The following ZDHHC14 variants were observed in gnomAD, a reference collection of about 807,000 sequenced individuals.
ZDHHC14 encodes zDHHC palmitoyltransferase 14, also known as palmitoyltransferase ZDHHC14.
A neutral mutation model predicts 47.7 loss-of-function variants in ZDHHC14; 16 were observed. That is an observed-to-expected ratio of 0.34 (90% CI 0.23 to 0.51). The LOEUF (loss-of-function observed/expected upper bound fraction) is 0.51, where lower values mean the gene tolerates loss of function less well. ZDHHC14 is among the 20% of genes least tolerant of loss of function. The pLI is 0.97. For missense variants in ZDHHC14, 515 were observed against 662.5 expected (o/e 0.78, Z 2.44); for synonymous variants, 293 against 278.9 (o/e 1.05, Z -0.50).
rs534581362 is a variant in ZDHHC14, at chr6:157,409,882, G to T, written c.245+27616G>T. 5.3e-5 allele frequency among the ~76,000 whole-genome samples: 8 copies of T among 152,058 alleles called. No homozygotes were observed. The South Asian group carries it at 1.3e-3, about 24-fold the overall frequency. ...CTTCTTCTGTCACCCAGACTGGAGT[G>T]CAGTGGCGCGATCTCGGCTCACTGC... On this transcript the variant is annotated intron_variant, in intron 1 of 8. Coordinates refer to ENST00000359775, the MANE Select transcript of ZDHHC14 (RefSeq NM_024630.3).
intron 1 of ZDHHC14, among the ~76,000 whole-genome samples, chr6:157,399,331 C>G (rs1486420870): frequency 1.3e-5 from 2 of 150,786 alleles, no homozygotes; most frequent in Non-Finnish European, 3.0e-5. Flanking sequence ...GATCCGGGTG[C>G]CATTGTCTGT....
At chr6:157,436,951 G>A (rs929237430) in intron 1 of ZDHHC14, among the ~76,000 whole-genome samples, 8 of 152,112 alleles carry the variant, frequency 5.3e-5, no homozygotes, top group Non-Finnish European at 7.4e-5. Flanking sequence ...GAAGGTGGTG[G>A]GGATTGGGGT....
intron 1 of ZDHHC14, among the ~76,000 whole-genome samples, chr6:157,497,028 G>A (rs1163201179): frequency 6.6e-6 from 1 of 152,208 alleles, no homozygotes; most frequent in Non-Finnish European, 1.5e-5. Context: ...ATGAGTGGGT[G>A]GGTTAGGGAA....
Position 157,593,142 on chromosome 6 carries a change from C to G in ZDHHC14, c.561C>G (p.Cys187Trp), listed in dbSNP as rs775641986. The G allele has an allele frequency of 6.2e-7, 1 of 1,611,374 alleles. No individual in the cohort carries two copies. Among genetic ancestry groups the G allele is most frequent in the Non-Finnish European group, 8.5e-7 (1 of 1,178,582 alleles). The stretch of plus-strand genomic sequence containing the variant: ...CCCATTGCAGCCTTTGTGATAACTG[C>G]GTAGGTGAGTAGTGCCTGGGCGGAG... ...RASHCSLCDNCVERFDHHCPW... is the reference protein window; with the variant it reads ...RASHCSLCDNWVERFDHHCPW... Residue 187 changes from cysteine (C) to tryptophan (W), a missense_variant, in exon 3 of 9, where the codon TGC (cysteine) becomes TGG (tryptophan). Coordinates refer to ENST00000359775, the MANE Select transcript of ZDHHC14 (RefSeq NM_024630.3).
intron 5 of ZDHHC14, among the ~76,000 whole-genome samples, chr6:157,644,050 C>T (rs894488875): frequency 2.6e-5 from 4 of 152,030 alleles, no homozygotes; most frequent in Admixed American, 2.0e-4. Flanking sequence ...TCTTGTCTTC[C>T]TTGTAGCTGA....
At position 157,586,703 on chromosome 6, in the gene ZDHHC14, G is replaced by C. The variant is rs1221947295; in HGVS notation, c.407-6285G>C. On this transcript the variant is annotated intron_variant, in intron 2 of 8. Transcript: ENST00000359775. This position sits in a 1 kb window ranked among gnomAD's most constrained non-coding sequence, Gnocchi z 4.6. ...CCTCGGCAACCCCTGGTGCAGCACC[G>C]GCTTATAGTAAATCCTTCATAAATA... 6.6e-6 allele frequency among the ~76,000 whole-genome samples: 1 copy of C among 152,088 alleles called. No individual in the cohort carries two copies. Among genetic ancestry groups the C allele is most frequent in the African/African-American group, 2.4e-5 (1 of 41,428 alleles).
chr6:157,494,032 G>A (rs1469110268), intron 1 of ZDHHC14, among the ~76,000 whole-genome samples: 1 of 152,228 alleles, frequency 6.6e-6, no homozygotes, highest in Non-Finnish European at 1.5e-5. Context: ...TTGTAAAGAA[G>A]AGTGGTCCTC....
chr6:157,664,473 A>G (rs1040804046), intron 8 of ZDHHC14, among the ~76,000 whole-genome samples: 1 of 152,168 alleles, frequency 6.6e-6, no homozygotes, highest in Admixed American at 6.5e-5. Flanking sequence ...GTCACCTTGA[A>G]CGTGTGTGGG....
chr6:157,429,818 T>A (rs74734383), intron 1 of ZDHHC14, among the ~76,000 whole-genome samples: 1 of 151,894 alleles, frequency 6.6e-6, no homozygotes, highest in Non-Finnish European at 1.5e-5. Context: ...GGAAAGGGAG[T>A]TGAGGAAGTC....
chr6:157,628,707 A>G, intron 4 of ZDHHC14: 1 of 555,636 alleles, frequency 1.8e-6, no homozygotes, highest in Non-Finnish European at 3.1e-6. Flanking sequence ...CATCTTTCAC[A>G]GCACTTTCCA....
intron 7 of ZDHHC14, 58 bp downstream of exon 7, chr6:157,647,426 C>G: frequency 7.1e-7 from 1 of 1,414,742 alleles, no homozygotes; most frequent in East Asian, 2.4e-5. Flanking sequence ...AATGCCTCGG[C>G]CGTTAGCACA....
intron 1 of ZDHHC14, among the ~76,000 whole-genome samples, chr6:157,440,435 A>G (rs527813074): frequency 3.9e-5 from 6 of 152,344 alleles, no homozygotes; most frequent in East Asian, 3.9e-4. Flanking sequence ...TAGAGAAACT[A>G]GAAACCTTGT....
At chr6:157,457,166 C>A in intron 1 of ZDHHC14, among the ~76,000 whole-genome samples, 1 of 96,038 alleles carries the variant, frequency 1.0e-5, no homozygotes. Context: ...AAGAGTGAAA[C>A]TCCATCTAAA....
chr6:157,538,574 G>A (rs970763810), intron 1 of ZDHHC14, among the ~76,000 whole-genome samples: 1 of 152,130 alleles, frequency 6.6e-6, no homozygotes, highest in African/African-American at 2.4e-5. Context: ...GTGCTACAAA[G>A]GACACAAAGA....
chr6:157,435,222 G>A (rs959903563), intron 1 of ZDHHC14, among the ~76,000 whole-genome samples: 1 of 152,222 alleles, frequency 6.6e-6, no homozygotes, highest in African/African-American at 2.4e-5. Context: ...GCAGGACTAG[G>A]ATTTAACACT....
intron 3 of ZDHHC14, among the ~76,000 whole-genome samples, chr6:157,618,885 C>T (rs1254302734): frequency 6.6e-6 from 1 of 152,196 alleles, no homozygotes; most frequent in Non-Finnish European, 1.5e-5. Context: ...TTTCTACTCA[C>T]TTGTTTACAT....
chr6:157,593,217 G>A, intron 3 of ZDHHC14, 71 bp downstream of exon 3: 1 of 1,515,662 alleles, frequency 6.6e-7, no homozygotes, highest in South Asian at 1.3e-5. Flanking sequence ...CTCCAACCCT[G>A]CGCCACGGAA....
intron 1 of ZDHHC14, among the ~76,000 whole-genome samples, chr6:157,451,105 C>T (rs1030052481): frequency 3.3e-5 from 5 of 151,696 alleles, no homozygotes; most frequent in African/African-American, 1.2e-4. Context: ...GACGGATGGG[C>T]TGGGATGCAT....
chr6:157,433,923 A>G (rs1778389740), intron 1 of ZDHHC14, among the ~76,000 whole-genome samples: 1 of 152,176 alleles, frequency 6.6e-6, no homozygotes, highest in Non-Finnish European at 1.5e-5. Context: ...GTGACCAGGA[A>G]CAAGAGAGCC....
Sources: allele counts gnomAD v4.1 joint callset (sites outside exome capture counted in the v4.1 genomes callset), GRCh38; gene constraint gnomAD v4.1.1; non-coding constraint Gnocchi (gnomAD v3.1); transcripts MANE v1.5; gene names NCBI Gene and HGNC (gene_info 2026-07-23, HGNC 2026-07-21).